Variants in CSMD3 observed in about 807,000 individuals in gnomAD.
CSMD3 encodes the protein CUB and sushi domain-containing protein 3.
A neutral mutation model predicts 435.2 loss-of-function variants in CSMD3; 177 were observed. The observed-to-expected ratio is 0.41, with a 90% CI of 0.36 to 0.46. The LOEUF (loss-of-function observed/expected upper bound fraction) is 0.46. Ranked by LOEUF, CSMD3 falls within the 20% of genes least tolerant of loss-of-function variation. CSMD3 has a pLI of 0.34. For synonymous variants in CSMD3, 1,656 were observed against 1,520.5 expected, an observed-to-expected ratio of 1.09 and a Z score of -2.07; for missense variants, 4,265 against 4,504.6, an observed-to-expected ratio of 0.95 and a Z score of 1.52.
At chr8:113,397,630 C>T (rs1563781188) in intron 1 of CSMD3, among the ~76,000 whole-genome samples, 1 of 151,818 alleles carries the variant, frequency 6.6e-6, no homozygotes, top group Non-Finnish European at 1.5e-5. Flanking sequence ...TCCTGGCTAA[C>T]ACGGTGAAAC....
chr8:112,401,335 T>A (rs568967402), intron 35 of CSMD3, among the ~76,000 whole-genome samples: 22 of 152,288 alleles, frequency 1.4e-4, no homozygotes, highest in East Asian at 7.7e-4. Flanking sequence ...TATTTTTTTT[T>A]AATTTTTCCT....
intron 20 of CSMD3, among the ~76,000 whole-genome samples, 186 bp downstream of exon 20, chr8:112,644,923 A>G (rs763434376): frequency 6.6e-6 from 1 of 152,174 alleles, no homozygotes; most frequent in Non-Finnish European, 1.5e-5. Flanking sequence ...CATGAGCACA[A>G]TATAATACTA....
At chr8:113,285,651 T>C (rs1050342286) in intron 2 of CSMD3, among the ~76,000 whole-genome samples, 4 of 152,304 alleles carry the variant, frequency 2.6e-5, no homozygotes, top group South Asian at 4.1e-4. Context: ...CATTTAAATA[T>C]ATGAGACGAA....
chr8:112,877,300 T>A (rs1301672349), intron 10 of CSMD3, among the ~76,000 whole-genome samples: 1 of 151,950 alleles, frequency 6.6e-6, no homozygotes, highest in Non-Finnish European at 1.5e-5. Context: ...AGTTTCACTC[T>A]TGTTGCCCAA....
intron 13 of CSMD3, among the ~76,000 whole-genome samples, chr8:112,757,379 T>C (rs2077724378): frequency 2.0e-5 from 3 of 152,062 alleles, no homozygotes; most frequent in Non-Finnish European, 4.4e-5. Context: ...TGCATATATA[T>C]TTAGATGTAT....
At chr8:112,979,340 T>C (rs990157813) in intron 6 of CSMD3, among the ~76,000 whole-genome samples, 17 of 151,784 alleles carry the variant, frequency 1.1e-4, no homozygotes, top group Non-Finnish European at 3.0e-5. Flanking sequence ...AATAAAGTCA[T>C]CCATTACCAT....
intron 13 of CSMD3, among the ~76,000 whole-genome samples, chr8:112,707,798 A>C (rs2076531246): frequency 6.6e-6 from 1 of 152,104 alleles, no homozygotes; most frequent in Non-Finnish European, 1.5e-5. Context: ...TCCGCATTTT[A>C]ACTCTTATAA....
At chr8:112,920,123 A>G (rs2082691549) in intron 10 of CSMD3, among the ~76,000 whole-genome samples, 1 of 151,898 alleles carries the variant, frequency 6.6e-6, no homozygotes, top group African/African-American at 2.4e-5. Flanking sequence ...ATTTTCAAAC[A>G]CAGTTTTATA....
intron 6 of CSMD3, among the ~76,000 whole-genome samples, chr8:113,009,251 A>G (rs1011126085): frequency 6.6e-6 from 1 of 151,702 alleles, no homozygotes; most frequent in Admixed American, 6.6e-5. Flanking sequence ...CCTTGCTACC[A>G]TGCAAACAAC....
At chr8:113,177,577 C>A (rs1227792925) in intron 3 of CSMD3, among the ~76,000 whole-genome samples, 1 of 151,868 alleles carries the variant, frequency 6.6e-6, no homozygotes, top group Non-Finnish European at 1.5e-5. Flanking sequence ...GTAGGGGAGG[C>A]AGTACTTTAA....
chr8:113,383,915 G>T (rs905193460), intron 1 of CSMD3, among the ~76,000 whole-genome samples: 1 of 151,978 alleles, frequency 6.6e-6, no homozygotes. Flanking sequence ...GATTTCAAGT[G>T]CACCCCCTAC....
At position 112,827,164 on chromosome 8, in the gene CSMD3, AATATATATATATATATATATATATAT is replaced by A. The variant is rs3047126; in HGVS notation, c.1859+2496_1859+2521del. Among the ~76,000 whole-genome samples, 390 of 82,848 alleles carry A rather than the reference AATATATATATATATATATATATATAT, an allele frequency of 4.7e-3. 15 individuals carry two copies. Among genetic ancestry groups the A allele is most frequent in the Middle Eastern group, 0.017 (2 of 116 alleles). The allele number at this position is 82,848 out of a possible 152,430, so 54.4% of individuals were successfully genotyped here. On this transcript the variant is annotated intron_variant, in intron 12 of 70. Transcript: ENST00000297405. ...TTCTGTATTTTACTAGGTTACCATA[AATATATATATATATATATATATATAT>A]ATATATATATATATATAATCTTTCT...
At chr8:112,653,325 C>T (rs13257842) in intron 18 of CSMD3, among the ~76,000 whole-genome samples, 31,209 of 152,058 alleles carry the variant, frequency 0.21, 4,076 homozygotes, top group Non-Finnish European at 0.3. Flanking sequence ...CTACTCCTCC[C>T]CTCAAATATC....
intron 52 of CSMD3, among the ~76,000 whole-genome samples, chr8:112,302,556 T>C (rs904169923): frequency 2.0e-5 from 3 of 152,110 alleles, no homozygotes; most frequent in Non-Finnish European, 2.9e-5. Flanking sequence ...TCATATAGCA[T>C]CTCTTATGAC....
At chr8:113,248,854 AT>A (rs966374433) in intron 3 of CSMD3, among the ~76,000 whole-genome samples, 5 of 151,776 alleles carry the variant, frequency 3.3e-5, no homozygotes, top group Non-Finnish European at 7.4e-5. Context: ...AAACAGCTTA[AT>A]TTTTTTTAAT....
intron 5 of CSMD3, among the ~76,000 whole-genome samples, chr8:113,045,665 A>T (rs1278503568): frequency 6.7e-6 from 1 of 149,552 alleles, no homozygotes; most frequent in Non-Finnish European, 1.5e-5. Context: ...GAACACTGGG[A>T]ACTGGAGTGT....
chr8:112,638,633 T>G, intron 21 of CSMD3, 63 bp downstream of exon 21: 1 of 961,378 alleles, frequency 1.0e-6, no homozygotes, highest in Non-Finnish European at 1.7e-6. Flanking sequence ...GTTATGCTCA[T>G]ATCTTGAAAA....
At chr8:113,063,764 A>G (rs2131374252) in intron 5 of CSMD3, among the ~76,000 whole-genome samples, 1 of 152,058 alleles carries the variant, frequency 6.6e-6, no homozygotes, top group East Asian at 1.9e-4. Flanking sequence ...CTTCAGGTGT[A>G]AGTTATGTTT....
intron 13 of CSMD3, among the ~76,000 whole-genome samples, chr8:112,781,768 G>T (rs954058612): frequency 1.3e-5 from 2 of 152,102 alleles, no homozygotes; most frequent in South Asian, 2.1e-4. Flanking sequence ...TAAGTGAAGA[G>T]AACAAGTGAC....
Sources: gnomAD v4.1 joint callset for allele counts (sites outside exome capture counted in the v4.1 genomes callset) on GRCh38, gnomAD v4.1.1 for gene constraint, MANE v1.5 for transcripts, NCBI Gene and HGNC (gene_info 2026-07-23, HGNC 2026-07-21) for gene names.